MAP4: variants seen among roughly 807,000 people sequenced by gnomAD.
MAP4 encodes the protein microtubule-associated protein 4.
In MAP4, 76 loss-of-function variants were observed where a neutral mutation model predicts 170.2. The ratio of observed to expected loss-of-function variants is 0.45; its 90% confidence interval spans 0.37 to 0.54. The LOEUF (loss-of-function observed/expected upper bound fraction) is 0.54. MAP4 is among the 20% of genes least tolerant of loss of function. The pLI is 0.00. For missense variants in MAP4, 2,506 were observed against 2,748.0 expected (o/e 0.91, Z 1.97); for synonymous variants, 909 against 994.5 (o/e 0.91, Z 1.62).
intron 5 of MAP4, among the ~76,000 whole-genome samples, chr3:47,920,502 C>G (rs906430874): frequency 6.6e-6 from 1 of 151,854 alleles, no homozygotes; most frequent in African/African-American, 2.4e-5. Flanking sequence ...CTTGGCCTCC[C>G]AAAGTGCTGG....
rs1304138112 is a variant in MAP4, at chr3:47,923,725, AG to A, written c.416-1848del. The stretch of plus-strand genomic sequence containing the variant: ...CAGCTACTCGGAAGGCTGAGGTGGG[AG>A]GATCACTTGAGCCTGGGGAGGTTGA... On this transcript the variant is annotated intron_variant, in intron 4 of 20. Transcript: ENST00000683076. 3.3e-5 allele frequency among the ~76,000 whole-genome samples: 5 copies of A among 151,852 alleles called. No individual in the cohort carries two copies. In the East Asian group the frequency reaches 9.7e-4, roughly 29 times the overall value.
At position 47,910,521 on chromosome 3, in the gene MAP4, A is replaced by T; in HGVS notation, c.3900T>A (p.Thr1300=). ...NFQVNFVELG[T]LGENKISTVK... ...CTGTGCTTATCTTGTTTTCCCCAAGAGTCCCAAGCTCAACAAAATTAACCT... is the reference window on the plus strand; with the variant it reads ...CTGTGCTTATCTTGTTTTCCCCAAGTGTCCCAAGCTCAACAAAATTAACCT... Residue 1300 remains threonine (T), a synonymous_variant, in exon 9 of 21, where the codon ACT becomes ACA. Coordinates refer to ENST00000683076, the MANE Select transcript of MAP4 (RefSeq NM_001385682.1). The T allele has an allele frequency of 5.2e-6, 8 of 1,536,100 alleles. No individual in the cohort carries two copies. Among genetic ancestry groups the T allele is most frequent in the Non-Finnish European group, 7.0e-6 (8 of 1,146,912 alleles).
chr3:48,071,712 G>A (rs1481288572), intron 1 of MAP4, among the ~76,000 whole-genome samples: 1 of 151,994 alleles, frequency 6.6e-6, no homozygotes, highest in Non-Finnish European at 1.5e-5. Flanking sequence ...ATCACTAGAG[G>A]TCAGGAGCTC....
intron 3 of MAP4, among the ~76,000 whole-genome samples, chr3:47,964,481 GT>G (rs1386670858): frequency 6.6e-6 from 1 of 152,106 alleles, no homozygotes; most frequent in African/African-American, 2.4e-5. Context: ...GAGGCAGGTG[GT>G]TTTTTTCTTC....
chr3:47,885,982 C>A (rs1264285515), intron 10 of MAP4, among the ~76,000 whole-genome samples: 1 of 152,184 alleles, frequency 6.6e-6, no homozygotes, highest in Non-Finnish European at 1.5e-5. Flanking sequence ...CCCGCCTCGG[C>A]CTCCCAAAGT....
At chr3:47,902,566 C>T (rs1412023858) in intron 10 of MAP4, among the ~76,000 whole-genome samples, 1 of 147,968 alleles carries the variant, frequency 6.8e-6, no homozygotes, top group Non-Finnish European at 1.5e-5. Context: ...CCCAACTACT[C>T]AGGAGGCTGA....
chr3:47,903,801 T>C (rs998080701), intron 9 of MAP4, among the ~76,000 whole-genome samples: 4 of 152,206 alleles, frequency 2.6e-5, no homozygotes, highest in African/African-American at 7.2e-5. Context: ...AAAATGTCAT[T>C]AGGCATCATG....
intron 1 of MAP4, among the ~76,000 whole-genome samples, chr3:48,047,825 C>T (rs1242139725): frequency 2.6e-5 from 4 of 152,174 alleles, no homozygotes; most frequent in African/African-American, 9.7e-5. Flanking sequence ...TTGAATTTGT[C>T]AACAAAAGGA....
intron 1 of MAP4, among the ~76,000 whole-genome samples, chr3:48,056,601 A>G (rs1231634640): frequency 9.2e-4 from 74 of 80,760 alleles, no homozygotes; most frequent in Admixed American, 1.6e-3. Context: ...CAGCCGCCCC[A>G]TCCGGGAGGG....
Position 47,871,995 on chromosome 3 carries a change from T to C in MAP4, c.5863A>G (p.Thr1955Ala), listed in dbSNP as rs1165923073. The C allele has an allele frequency of 1.9e-6, 3 of 1,613,768 alleles. No homozygotes were observed. The Admixed American group carries it at 5.0e-5, about 27-fold the overall frequency. ...GSKSTQTVAKTTTAAAVASTG... is the reference protein window; with the variant it reads ...GSKSTQTVAKATTAAAVASTG... The stretch of plus-strand genomic sequence containing the variant: ...GAGGCAACAGCAGCAGCTGTTGTGG[T>C]TTTTGCAACAGTCTGAGTGCTCTTG... The change falls in exon 13 of 21, where the codon ACC (threonine) becomes GCC (alanine). Residue 1955 changes from threonine (T) to alanine (A), a missense_variant. Thr to Ala is a moderately conservative substitution (Grantham distance 58). Around this residue, in one of 3 missense-constraint regions of MAP4, gnomAD observed 487 missense variants for 511.6 expected, o/e 0.95. Transcript: ENST00000683076.
intron 1 of MAP4, among the ~76,000 whole-genome samples, chr3:48,057,170 C>G (rs1362919516): frequency 6.6e-6 from 1 of 150,948 alleles, no homozygotes; most frequent in Non-Finnish European, 1.5e-5. Context: ...AATAGAAAGG[C>G]GGGAAAGGTG....
At position 47,914,838 on chromosome 3, in the gene MAP4, CAGA is replaced by C; in HGVS notation, c.1975_1977del (p.Ser659del). 1 of 1,614,124 alleles carries C rather than the reference CAGA, an allele frequency of 6.2e-7. No individual in the cohort carries two copies. The highest frequency in any genetic ancestry group is 8.5e-7 in the Non-Finnish European group (1 of 1,180,014). ...TTACCTGAGGTCTCTGAAGAAAGCT[CAGA>C]AGGTTGACTGTTGCATGGTTTCCTT... On this transcript the variant is annotated inframe_deletion, in exon 8 of 21. Coordinates refer to ENST00000683076, the MANE Select transcript of MAP4 (RefSeq NM_001385682.1).
At chr3:47,902,673 CAAAAAAAAAAA>C (rs3051642) in intron 10 of MAP4, among the ~76,000 whole-genome samples, 9 of 25,776 alleles carry the variant, frequency 3.5e-4, no homozygotes, top group Middle Eastern at 0.026. Flanking sequence ...GACTCTGTCT[CAAAAAAAAAAA>C]AAAAAAAAAA....
At chr3:47,884,542 G>C (rs1341552550) in intron 10 of MAP4, among the ~76,000 whole-genome samples, 1 of 152,276 alleles carries the variant, frequency 6.6e-6, no homozygotes, top group East Asian at 1.9e-4. Flanking sequence ...CCCTTGCAAT[G>C]CATTTATGGC....
Position 47,893,465 on chromosome 3 carries a change from A to G in MAP4, c.5434+9485T>C, listed in dbSNP as rs183460411. ...CAGACTTAGGGACTCTAACAATTGT[A>G]GCTTGGAGTTTTCCCCACTCACCAG... On this transcript the variant is annotated intron_variant, in intron 10 of 20. Transcript: ENST00000683076. 6.9e-3 allele frequency among the ~76,000 whole-genome samples: 1,048 copies of G among 152,284 alleles called. 3 individuals are homozygous for G. Among genetic ancestry groups the G allele is most frequent in the Non-Finnish European group, 0.011 (775 of 68,016 alleles).
At chr3:48,048,941 T>A (rs1409574790) in intron 1 of MAP4, among the ~76,000 whole-genome samples, 1 of 152,130 alleles carries the variant, frequency 6.6e-6, no homozygotes, top group Non-Finnish European at 1.5e-5. Flanking sequence ...ACTACCCCCC[T>A]GTCCCCTGGC....
intron 3 of MAP4, among the ~76,000 whole-genome samples, chr3:47,949,294 C>T (rs1371399974): frequency 1.3e-5 from 2 of 151,808 alleles, no homozygotes; most frequent in South Asian, 2.1e-4. Context: ...GGTGAAACCC[C>T]GTCTCTACTA....
intron 19 of MAP4, among the ~76,000 whole-genome samples, chr3:47,854,014 G>A (rs1330658611): frequency 2.6e-5 from 4 of 152,336 alleles, no homozygotes; most frequent in East Asian, 1.9e-4. Flanking sequence ...GAACAGCTGC[G>A]AGAGGCCACT....
At chr3:47,892,759 A>G in intron 10 of MAP4, 2 of 1,278,808 alleles carry the variant, frequency 1.6e-6, no homozygotes, top group Non-Finnish European at 2.0e-6. Flanking sequence ...TAATCTGAGA[A>G]TGTAATTTCC....
Sources: gnomAD v4.1 joint callset for allele counts (sites outside exome capture counted in the v4.1 genomes callset) on GRCh38, gnomAD v4.1.1 for gene constraint, gnomAD v4.1.1 regional missense constraint, MANE v1.5 for transcripts, NCBI Gene and HGNC (gene_info 2026-07-23, HGNC 2026-07-21) for gene names.